Variants in KLF12 observed in about 807,000 individuals in gnomAD.
The protein encoded by KLF12 is KLF transcription factor 12, also known as Krueppel-like factor 12.
In KLF12, 9 loss-of-function variants were observed where a neutral mutation model predicts 37.8. The ratio of observed to expected loss-of-function variants is 0.24; its 90% CI spans 0.14 to 0.42. The LOEUF is 0.42. Among genes scored for constraint, KLF12 ranks in the 10% least tolerant of loss-of-function variants. The probability of loss-of-function intolerance (pLI) is 1.00; values close to 1 mark genes in which losing one functional copy is unlikely to be tolerated. For synonymous variants in KLF12, 208 were observed against 202.1 expected, an observed-to-expected ratio of 1.03 and a Z score of -0.25; for missense variants, 411 against 516.0, an observed-to-expected ratio of 0.80 and a Z score of 1.97.
Position 73,841,645 on chromosome 13 carries a change from G to A in KLF12, c.670+4182C>T, listed in dbSNP as rs186578110. On this transcript the variant is annotated intron_variant, in intron 4 of 7. Coordinates refer to ENST00000377669, the MANE Select transcript of KLF12 (RefSeq NM_007249.5). ...AGGTCAAATAATTCCTTTAGGGTTC[G>A]GTTTATAAATATCATGTCTTAGATT... 3.4e-3 allele frequency among the ~76,000 whole-genome samples: 512 copies of A among 152,180 alleles called. 2 individuals carry two copies. The highest frequency in any genetic ancestry group is 5.9e-3 in the Non-Finnish European group (403 of 67,996).
chr13:73,960,363 T>G (rs1385887349), intron 2 of KLF12: 1 of 294,716 alleles, frequency 3.4e-6, no homozygotes, highest in Admixed American at 2.9e-5. Flanking sequence ...GGAGTGAGAT[T>G]TTTCACTTGC....
intron 2 of KLF12, among the ~76,000 whole-genome samples, chr13:73,948,915 AACAGT>A (rs1890543833): frequency 6.6e-6 from 1 of 152,246 alleles, no homozygotes; most frequent in African/African-American, 2.4e-5. Flanking sequence ...GGCATGAAGC[AACAGT>A]CATTTTGTCA....
intron 6 of KLF12, among the ~76,000 whole-genome samples, chr13:73,734,080 C>T (rs181088590): frequency 6.6e-6 from 1 of 152,298 alleles, no homozygotes; most frequent in Non-Finnish European, 1.5e-5. Flanking sequence ...AACTCAGTGC[C>T]TTCACTCTTG....
At chr13:74,098,031 C>A (rs1036472942) in intron 1 of KLF12, among the ~76,000 whole-genome samples, 1 of 152,048 alleles carries the variant, frequency 6.6e-6, no homozygotes, top group Non-Finnish European at 1.5e-5. Flanking sequence ...CTACTAGCCT[C>A]GACTATCAAA....
chr13:73,712,199 A>G (rs7986193), intron 7 of KLF12, among the ~76,000 whole-genome samples: 22,790 of 151,928 alleles, frequency 0.15, 2,558 homozygotes, highest in African/African-American at 0.31. Context: ...CTAGCCAGGC[A>G]TGGTGGCACA....
chr13:74,068,574 T>TTTA (rs1467034203), intron 1 of KLF12, among the ~76,000 whole-genome samples: 1 of 137,676 alleles, frequency 7.3e-6, no homozygotes, highest in Non-Finnish European at 1.6e-5. Flanking sequence ...TTTTTTTTTT[T>TTTA]GAGACTGAGC....
At chr13:73,872,159 A>G (rs1030143520) in intron 3 of KLF12, among the ~76,000 whole-genome samples, 1 of 152,152 alleles carries the variant, frequency 6.6e-6, no homozygotes, top group African/African-American at 2.4e-5. Flanking sequence ...TTCATGGTCA[A>G]TGATTTGATT....
intron 6 of KLF12, among the ~76,000 whole-genome samples, chr13:73,723,994 G>T (rs145805455): frequency 0.014 from 2,084 of 152,228 alleles, 28 homozygotes; most frequent in South Asian, 0.075. Context: ...ATTACTCAAG[G>T]ATCTAGAACC....
chr13:74,161,271 A>ACC, the KLF12 span, among the ~76,000 whole-genome samples: 2 of 152,060 alleles, frequency 1.3e-5, no homozygotes, highest in African/African-American at 4.8e-5. Context: ...TCCACCTGGA[A>ACC]CCCCAGAATG....
At chr13:74,120,973 G>A (rs1877601888) in intron 1 of KLF12, among the ~76,000 whole-genome samples, 1 of 152,070 alleles carries the variant, frequency 6.6e-6, no homozygotes, top group African/African-American at 2.4e-5. Context: ...GGGAACAAAA[G>A]AGAAAAATAG....
chr13:73,743,306 T>C (rs1372161554), intron 6 of KLF12, among the ~76,000 whole-genome samples: 1 of 152,172 alleles, frequency 6.6e-6, no homozygotes, highest in East Asian at 1.9e-4. Flanking sequence ...ACATAATCAT[T>C]ACATGTGCTA....
chr13:73,715,730 C>T (rs1875754344), intron 6 of KLF12, among the ~76,000 whole-genome samples: 2 of 152,046 alleles, frequency 1.3e-5, no homozygotes, highest in Admixed American at 6.6e-5. Context: ...GCAAAACACT[C>T]CAAGGGAGAG....
At chr13:73,699,905 G>C (rs895829684) in intron 7 of KLF12, among the ~76,000 whole-genome samples, 3 of 151,906 alleles carry the variant, frequency 2.0e-5, no homozygotes, top group Non-Finnish European at 4.4e-5. Flanking sequence ...CAAGGGAAGA[G>C]GCCTCAGAAA....
intron 2 of KLF12, among the ~76,000 whole-genome samples, chr13:73,973,051 G>A (rs1891393023): frequency 6.6e-6 from 1 of 151,932 alleles, no homozygotes; most frequent in African/African-American, 2.4e-5. Context: ...ATTGGCAAAA[G>A]GAAATGGTGC....
At chr13:73,942,459 T>C (rs1316333387) in intron 3 of KLF12, among the ~76,000 whole-genome samples, 1 of 152,034 alleles carries the variant, frequency 6.6e-6, no homozygotes, top group Non-Finnish European at 1.5e-5. Context: ...AAGAAATGAA[T>C]TAAGAAAACA....
At position 74,036,821 on chromosome 13, in the gene KLF12, C is replaced by T. The variant is rs1212693524; in HGVS notation, c.-31-41768G>A. ...AGAAAAAGTGCCTTCTGTTTTATGC[C>T]AACAAGACAGCTCTCATTTTGATAA... On this transcript the variant is annotated intron_variant, in intron 1 of 7. Coordinates refer to ENST00000377669, the MANE Select transcript of KLF12 (RefSeq NM_007249.5). Among the ~76,000 whole-genome samples the T allele has an allele frequency of 2.0e-5, 3 of 152,238 alleles. No homozygotes were observed. In the East Asian group the frequency reaches 5.8e-4, roughly 29 times the overall value.
chr13:73,926,755 C>T (rs1367262058), intron 3 of KLF12, among the ~76,000 whole-genome samples: 1 of 151,776 alleles, frequency 6.6e-6, no homozygotes, highest in Non-Finnish European at 1.5e-5. Flanking sequence ...GTTTTAAGCA[C>T]ACGTAGTTTC....
chr13:73,746,167 TTTC>T (rs145481044), intron 6 of KLF12, among the ~76,000 whole-genome samples: 1,859 of 152,272 alleles, frequency 0.012, 42 homozygotes, highest in African/African-American at 0.043. Context: ...TATATTTTGG[TTTC>T]TTCATGTGAT....
intron 1 of KLF12, among the ~76,000 whole-genome samples, chr13:74,070,179 A>C (rs2138696531): frequency 6.6e-6 from 1 of 152,340 alleles, no homozygotes; most frequent in South Asian, 2.1e-4. Flanking sequence ...AAGACTACAA[A>C]GTGACAGGAA....
Sources: allele counts gnomAD v4.1 joint callset (sites outside exome capture counted in the v4.1 genomes callset), GRCh38; gene constraint gnomAD v4.1.1; transcripts MANE v1.5; gene names NCBI Gene and HGNC (gene_info 2026-07-23, HGNC 2026-07-21).